Variants in PATL1 observed in about 807,000 individuals in gnomAD.
PATL1 encodes protein PAT1 homolog 1.
In PATL1, 32 loss-of-function variants were observed where a neutral mutation model predicts 100.6. That is an observed-to-expected ratio of 0.32 (90% CI 0.24 to 0.43). The LOEUF is 0.43. PATL1 is among the 20% of genes least tolerant of loss of function. The probability of loss-of-function intolerance (pLI) is 1.00; values close to 1 mark genes in which losing one functional copy is unlikely to be tolerated. For missense variants in PATL1, 747 were observed against 949.9 expected (o/e 0.79, Z 2.81); for synonymous variants, 332 against 330.0 (o/e 1.01, Z -0.07).
chr11:59,642,091 T>A (rs1861290303), intron 16 of PATL1, among the ~76,000 whole-genome samples: 1 of 152,220 alleles, frequency 6.6e-6, no homozygotes, highest in African/African-American at 2.4e-5. Context: ...GAAGTCTACA[T>A]CATCACCTCC....
intron 2 of PATL1, among the ~76,000 whole-genome samples, chr11:59,659,783 A>G (rs1258449912): frequency 6.6e-6 from 1 of 151,778 alleles, no homozygotes; most frequent in African/African-American, 2.4e-5. Flanking sequence ...CAAATGATCC[A>G]CCCATCTCGG....
At chr11:59,667,547 T>C (rs1296531827) in intron 1 of PATL1, among the ~76,000 whole-genome samples, 1 of 152,200 alleles carries the variant, frequency 6.6e-6, no homozygotes, top group Non-Finnish European at 1.5e-5. Flanking sequence ...AAGTTCAAGT[T>C]CTGGCTCCAT....
chr11:59,657,926 G>C (rs1046870406), intron 4 of PATL1, among the ~76,000 whole-genome samples: 23 of 152,234 alleles, frequency 1.5e-4, no homozygotes, highest in African/African-American at 5.5e-4. Context: ...CGCCTTGGGA[G>C]GGTGAGGTGG....
rs1565134662 is a variant in PATL1 at position 59,656,681 on chromosome 11, G to GT, written c.622-82dup. The GT allele has an allele frequency of 2.5e-6, 3 of 1,201,364 alleles. No homozygotes were observed. The African/African-American group carries it at 4.5e-5, about 18-fold the overall frequency. The allele number at this position is 1,201,364 out of a possible 1,614,324, so 74.4% of individuals were successfully genotyped here. A position where few individuals can be genotyped will look rare whatever the true frequency, so the allele number is the denominator to read the frequency against. On this transcript the variant is annotated intron_variant, in intron 5 of 18. Transcript: ENST00000300146. ...CTACACTCCCTCCCCTCAAGTACTG[G>GT]TAGAGACACGAACTCAATGCAAAGC... is the stretch of plus-strand genomic sequence containing the variant.
chr11:59,643,861 A>G lies in PATL1; in HGVS notation c.1894-826T>C, dbSNP rs60220228. Among the ~76,000 whole-genome samples, 890 of 152,316 alleles carry G rather than the reference A, an allele frequency of 5.8e-3. 4 individuals are homozygous for G. Among genetic ancestry groups the G allele is most frequent in the African/African-American group, 0.02 (836 of 41,570 alleles). ...TAGCCACAGCTAGAGCCAGAACCCA[A>G]GGCTGTTGAATTCCAGCCTTCTAGT... On this transcript the variant is annotated intron_variant, in intron 15 of 18. Coordinates refer to ENST00000300146, the MANE Select transcript of PATL1 (RefSeq NM_152716.3).
intron 5 of PATL1, chr11:59,656,975 G>C: frequency 1.5e-6 from 1 of 649,184 alleles, no homozygotes; most frequent in Non-Finnish European, 1.9e-6. Flanking sequence ...TGAAGCCCCT[G>C]TGATATGGCC....
At chr11:59,649,897 G>A (rs186341570) in intron 13 of PATL1, among the ~76,000 whole-genome samples, 21 of 152,086 alleles carry the variant, frequency 1.4e-4, no homozygotes, top group Admixed American at 3.9e-4. Flanking sequence ...TGAGATGGGC[G>A]GATCACGTGA....
At chr11:59,653,163 T>A in intron 9 of PATL1, 145 bp from the exon 10 acceptor site, 1 of 682,124 alleles carries the variant, frequency 1.5e-6, no homozygotes, top group Non-Finnish European at 2.4e-6. Context: ...AAGAACTAAG[T>A]CTTAATAGAA....
chr11:59,650,869 C>G (rs1242329182), intron 12 of PATL1, 56 bp from the exon 13 acceptor site: 1 of 1,215,200 alleles, frequency 8.2e-7, no homozygotes, highest in African/African-American at 1.5e-5. Flanking sequence ...AAATAATTTA[C>G]CAAGTGCGCA....
intron 15 of PATL1, among the ~76,000 whole-genome samples, chr11:59,646,176 A>G (rs1352543292): frequency 2.0e-5 from 3 of 151,870 alleles, no homozygotes; most frequent in Non-Finnish European, 4.4e-5. Flanking sequence ...CTTACAAATT[A>G]TATGCTCTAA....
rs77793148 is a variant in PATL1 at position 59,643,006 on chromosome 11, A to T, written c.1923T>A (p.Ser641=). Residue 641 remains serine, a synonymous_variant, in exon 16 of 19, where the codon TCT becomes TCA. Coordinates refer to ENST00000300146, the MANE Select transcript of PATL1 (RefSeq NM_152716.3). ...CTGATGGAAGATGATAGAGAAGGAG[A>T]GAGAAGGGACTCAGTAAGCATGGCA... The part of the protein sequence containing the change: ...EVLPCLLSPF[S]LLLYHLPSVS... 0.018 allele frequency: 28,303 copies of T among 1,613,934 alleles called. 313 individuals are homozygous for T. Among genetic ancestry groups the T allele is most frequent in the Non-Finnish European group, 0.02 (23,914 of 1,179,866 alleles).
At position 59,657,661 on chromosome 11, in the gene PATL1, C is replaced by T; in HGVS notation, c.490G>A (p.Asp164Asn). ...GCTCGTTCAGAAAGGTCCCGATCAT[C>T]TTCTGGACCCTGGGGGGGCCTCTGA... ...LPQRPPQGPE[D>N]DRDLSERALP... Residue 164 changes from aspartate (D) to asparagine (N), a missense_variant, in exon 5 of 19, where the codon GAT becomes AAT. By Grantham distance (23) the Asp-to-Asn change is conservative (BLOSUM62 1). This residue lies in a region of PATL1 where 183 missense variants were observed against 221.2 expected (regional missense o/e 0.83). Transcript: ENST00000300146. 2.5e-6 allele frequency: 4 copies of T among 1,613,746 alleles called. No homozygotes were observed. The highest frequency in any genetic ancestry group is 3.4e-6 in the Non-Finnish European group (4 of 1,179,764).
intron 1 of PATL1, 90 bp downstream of exon 1, chr11:59,668,791 C>T: frequency 1.5e-6 from 1 of 678,444 alleles, no homozygotes; most frequent in East Asian, 3.6e-5. Flanking sequence ...CCCCCTGCCC[C>T]GCAGGAACAC....
chr11:59,668,132 TTTAAA>T (rs1861716362), intron 1 of PATL1, among the ~76,000 whole-genome samples: 1 of 152,248 alleles, frequency 6.6e-6, no homozygotes, highest in African/African-American at 2.4e-5. Context: ...TCGCTGCTTT[TTTAAA>T]TTAAAAATTC....
Position 59,655,515 on chromosome 11 carries a change from T to G in PATL1, c.1031+8A>C, listed in dbSNP as rs778126977. ...TAACTGATAAACAGTGGCGTTGATT[T>G]TGTATACCTTAGGTTTTGCAGGTGG... On this transcript the variant is annotated splice_region_variant and intron_variant, in intron 8 of 18. Transcript: ENST00000300146. 1.3e-6 allele frequency: 2 copies of G among 1,551,578 alleles called. No individual in the cohort carries two copies. The highest frequency in any genetic ancestry group is 1.4e-5 in the African/African-American group (1 of 73,350).
chr11:59,668,364 T>A (rs1861721700), intron 1 of PATL1, among the ~76,000 whole-genome samples: 1 of 152,040 alleles, frequency 6.6e-6, no homozygotes, highest in African/African-American at 2.4e-5. Context: ...CTCGGAGCCC[T>A]CTTTAGTAAA....
rs1424357073 is a variant in PATL1, at chr11:59,655,738, T to C, written c.816A>G (p.Leu272=). The part of the protein sequence containing the change: ...QRAQLLGGAQ[L]QPGRMSPSQF... ...GGCTGGGAGACATCCGTCCAGGCTG[T>C]AGCTACAAAGAGGAAGAAGATCTTA... Residue 272 remains leucine, a splice_region_variant and synonymous_variant, in exon 8 of 19, where the codon CTA becomes CTG. Transcript: ENST00000300146. 2 of 1,586,118 alleles carry C rather than the reference T, an allele frequency of 1.3e-6. No homozygotes were observed. The highest frequency in any genetic ancestry group is 1.7e-6 in the Non-Finnish European group (2 of 1,165,930).
chr11:59,647,092 G>A (rs1199174276), intron 15 of PATL1, among the ~76,000 whole-genome samples: 1 of 151,680 alleles, frequency 6.6e-6, no homozygotes, highest in Non-Finnish European at 1.5e-5. Flanking sequence ...GCATGGTGTC[G>A]CATGCCTGTA....
chr11:59,643,844 G>A (rs1861323771), intron 15 of PATL1, among the ~76,000 whole-genome samples: 2 of 152,160 alleles, frequency 1.3e-5, no homozygotes, highest in Admixed American at 1.3e-4. Context: ...CATAGCCACA[G>A]CTAGAGCCAG....
Sources: allele counts gnomAD v4.1 joint callset (sites outside exome capture counted in the v4.1 genomes callset), GRCh38; gene constraint gnomAD v4.1.1; regional missense constraint gnomAD v4.1.1; transcripts MANE v1.5; gene names NCBI Gene and HGNC (gene_info 2026-07-23, HGNC 2026-07-21).